LLGL2: variants seen among roughly 807,000 people sequenced by gnomAD.
LLGL2 encodes LLGL scribble cell polarity complex component 2, also known as LLGL2, scribble cell polarity complex component.
Under a neutral mutation model 123.2 loss-of-function variants are expected in LLGL2, and 81 were observed. That is an observed-to-expected ratio of 0.66 (90% CI 0.55 to 0.79). LLGL2 has a LOEUF of 0.79. LLGL2 is among the 30% of genes least tolerant of loss of function. The pLI, the probability that LLGL2 is intolerant of heterozygous loss-of-function variation, is 0.00. For synonymous variants in LLGL2, 577 were observed against 594.1 expected (o/e 0.97, Z 0.42); for missense variants, 1,273 against 1,414.6 (o/e 0.90, Z 1.61).
At position 75,569,338 on chromosome 17, in the gene LLGL2, G is replaced by C. The variant is rs753722991; in HGVS notation, c.1581+13G>C. 1.8e-5 allele frequency: 29 copies of C among 1,603,958 alleles called. No homozygotes were observed. Among genetic ancestry groups the C allele is most frequent in the Non-Finnish European group, 2.4e-5 (28 of 1,172,076 alleles). On this transcript the variant is annotated intron_variant, in intron 14 of 25. Transcript: ENST00000392550. ...CACGGCAGGGCAGGTAGCAGGCTGGGCTGGGGAGGGGGAGCTGGGGAGGAG... is the reference window on the plus strand; with the variant it reads ...CACGGCAGGGCAGGTAGCAGGCTGGCCTGGGGAGGGGGAGCTGGGGAGGAG...
rs764920758 is a variant in LLGL2, at chr17:75,570,467, G to A, written c.1994G>A (p.Arg665Gln). The change falls in exon 16 of 26, where the codon CGG becomes CAG. Residue 665 changes from arginine to glutamine, a missense_variant. Arg to Gln is a conservative substitution (Grantham distance 43). Coordinates refer to ENST00000392550, the MANE Select transcript of LLGL2 (RefSeq NM_001031803.2). Reference sequence around the variant, plus strand: ...ATGCGTCGGAGCCGGGTGTCCAGCCGGAAGCGGCACCCGGCTGGCCCCCCA... The same window carrying A: ...ATGCGTCGGAGCCGGGTGTCCAGCCAGAAGCGGCACCCGGCTGGCCCCCCA... ...RRMRRSRVSS[R>Q]KRHPAGPPGE... 14 of 1,588,566 alleles carry A rather than the reference G, an allele frequency of 8.8e-6. No homozygotes were observed. The highest frequency in any genetic ancestry group is 2.7e-5 in the African/African-American group (2 of 74,414).
At chr17:75,551,828 A>T (rs1268547043) in intron 2 of LLGL2, among the ~76,000 whole-genome samples, 2 of 152,242 alleles carry the variant, frequency 1.3e-5, no homozygotes, top group East Asian at 3.8e-4. Flanking sequence ...ACGTGAAATT[A>T]ATTTTAATTA....
At chr17:75,572,487 C>T (rs957437945) in intron 19 of LLGL2, among the ~76,000 whole-genome samples, 4 of 152,100 alleles carry the variant, frequency 2.6e-5, no homozygotes, top group East Asian at 1.9e-4. Context: ...CACGGTGAAA[C>T]CCCGTCTCTA....
At position 75,572,031 on chromosome 17, in the gene LLGL2, C is replaced by T. The variant is rs991455913; in HGVS notation, c.2427C>T (p.His809=). ...AGAGCCCTGACATGCAGGGAAGCCA[C>T]CAGCTGCTCGTCGTATCAGAGGAGC... ...LSKSPDMQGS[H]QLLVVSEEQF... The change falls in exon 19 of 26, where the codon CAC becomes CAT. Residue 809 remains histidine (H), a synonymous_variant. Coordinates refer to ENST00000392550, the MANE Select transcript of LLGL2 (RefSeq NM_001031803.2). 6.2e-7 allele frequency: 1 copy of T among 1,612,276 alleles called. No homozygotes were observed. The highest frequency in any genetic ancestry group is 1.3e-5 in the African/African-American group (1 of 74,938).
chr17:75,573,245 A>G lies in LLGL2; in HGVS notation c.2692A>G (p.Ile898Val). 4.4e-6 allele frequency: 7 copies of G among 1,608,286 alleles called. No individual in the cohort carries two copies. The highest frequency in any genetic ancestry group is 6.0e-6 in the Non-Finnish European group (7 of 1,176,276). Residue 898 changes from isoleucine (I) to valine (V), a missense_variant, in exon 20 of 26, where the codon ATC becomes GTC. By Grantham distance (29) the Ile-to-Val change is conservative. Transcript: ENST00000392550. ...SCIRREDVSG[I>V]ASCVFTKYGQ... ...CATCCGCCGGGAGGACGTCAGTGGC[A>G]TCGCCTCCTGCGTCTTCACCAAATA...
chr17:75,546,587 C>A, intron 2 of LLGL2, among the ~76,000 whole-genome samples: 1 of 54,822 alleles, frequency 1.8e-5, no homozygotes, highest in South Asian at 6.2e-4. Flanking sequence ...GTCCAGCAGA[C>A]AGGCGGAGGG....
At position 75,544,098 on chromosome 17, in the gene LLGL2, G is replaced by A. The variant is rs907987008; in HGVS notation, c.75+597G>A. Among the ~76,000 whole-genome samples the A allele has an allele frequency of 1.3e-5, 2 of 152,212 alleles. No individual in the cohort carries two copies. Among genetic ancestry groups the A allele is most frequent in the Non-Finnish European group, 2.9e-5 (2 of 68,040 alleles). ...CAAACCTGTATCCGGGGTACCAGAAGGCCCACGGGGCTTCCCTTCAGGAGT... is the reference window on the plus strand; with the variant it reads ...CAAACCTGTATCCGGGGTACCAGAAAGCCCACGGGGCTTCCCTTCAGGAGT... On this transcript the variant is annotated intron_variant, in intron 2 of 25. Coordinates refer to ENST00000392550, the MANE Select transcript of LLGL2 (RefSeq NM_001031803.2). The surrounding 1 kb of genome is among the most constrained non-coding windows in gnomAD (Gnocchi z 4.2).
At position 75,571,151 on chromosome 17, in the gene LLGL2, C is replaced by T. The variant is rs559843811; in HGVS notation, c.2176+51C>T. On this transcript the variant is annotated intron_variant, in intron 17 of 25. Coordinates refer to ENST00000392550, the MANE Select transcript of LLGL2 (RefSeq NM_001031803.2). ...GGCAGGGGGTAGTGGGCAGCAGACACCCCCTGACCTGGGGGCATGCCGGGG... is the reference window on the plus strand; with the variant it reads ...GGCAGGGGGTAGTGGGCAGCAGACATCCCCTGACCTGGGGGCATGCCGGGG... 2.1e-5 allele frequency: 32 copies of T among 1,524,786 alleles called. No homozygotes were observed. The East Asian group carries it at 3.0e-4, about 14-fold the overall frequency. 94.5% of individuals were successfully genotyped at this position (1,524,786 alleles called of 1,614,324 possible). A position where few individuals can be genotyped will look rare whatever the true frequency, so the allele number is the denominator to read the frequency against.
chr17:75,573,363 A>G, intron 20 of LLGL2, 85 bp downstream of exon 20: 1 of 1,553,778 alleles, frequency 6.4e-7, no homozygotes, highest in Non-Finnish European at 8.8e-7. Flanking sequence ...GGCCACGGCC[A>G]GACTGGATGG....
Position 75,571,075 on chromosome 17 carries a change from C to CT in LLGL2, c.2154dup (p.Ala719CysfsTer2). On this transcript the variant is annotated frameshift_variant, in exon 17 of 26. Coordinates refer to ENST00000392550, the MANE Select transcript of LLGL2 (RefSeq NM_001031803.2). LOFTEE classifies it high-confidence loss of function. ...TCACAGGCTTCGTCCGGACCCTGTACTTTGCTGACACCTACCTGAAGGACA... is the reference window on the plus strand; with the variant it reads ...TCACAGGCTTCGTCCGGACCCTGTACTTTTGCTGACACCTACCTGAAGGACA... 1 of 1,611,130 alleles carries CT rather than the reference C, an allele frequency of 6.2e-7. No individual in the cohort carries two copies. The highest frequency in any genetic ancestry group is 8.5e-7 in the Non-Finnish European group (1 of 1,178,966).
Position 75,573,214 on chromosome 17 carries a change from C to T in LLGL2, c.2661C>T (p.Tyr887=). ...CCCTGCTCAAGCCCCAGGTGCGCTA[C>T]AGCTGCATCCGCCGGGAGGACGTCA... ...SLPLLKPQVR[Y]SCIRREDVSG... Residue 887 remains tyrosine, a synonymous_variant, in exon 20 of 26, where the codon TAC becomes TAT. Transcript: ENST00000392550. 2 of 1,611,902 alleles carry T rather than the reference C, an allele frequency of 1.2e-6. No individual in the cohort carries two copies. Among genetic ancestry groups the T allele is most frequent in the Non-Finnish European group, 1.7e-6 (2 of 1,179,032 alleles).
intron 15 of LLGL2, 29 bp from the exon 16 acceptor site, chr17:75,570,319 C>T: frequency 1.9e-6 from 3 of 1,609,134 alleles, no homozygotes; most frequent in Non-Finnish European, 2.5e-6. Flanking sequence ...CAGGACCTAG[C>T]AGCACTGACA....
At chr17:75,532,830 G>A (rs1018231524) in intron 1 of LLGL2, among the ~76,000 whole-genome samples, 3 of 152,232 alleles carry the variant, frequency 2.0e-5, no homozygotes, top group South Asian at 2.1e-4. Context: ...CAGGATGCCA[G>A]GCATGACGTC....
In LLGL2 at chr17:75,572,003, C is replaced by T. The variant is rs146320210; in HGVS notation, c.2399C>T (p.Ser800Leu). 4.5e-5 allele frequency: 72 copies of T among 1,612,772 alleles called. No homozygotes were observed. In the African/African-American group the frequency reaches 8.0e-4, roughly 18 times the overall value. ...PEPLEVAHDL[S>L]KSPDMQGSHQ... ...CCCCTCGAAGTGGCCCATGATCTGTCGAAGAGCCCTGACATGCAGGGAAGC... is the reference window on the plus strand; with the variant it reads ...CCCCTCGAAGTGGCCCATGATCTGTTGAAGAGCCCTGACATGCAGGGAAGC... Residue 800 changes from serine (S) to leucine (L), a missense_variant, in exon 19 of 26, where the codon TCG (serine) becomes TTG (leucine). Physicochemically the swap from Ser to Leu is moderately radical, Grantham distance 145. Transcript: ENST00000392550.
At position 75,573,608 on chromosome 17, in the gene LLGL2, C is replaced by T. The variant is rs760452145; in HGVS notation, c.2853C>T (p.Pro951=). The T allele has an allele frequency of 4.4e-6, 7 of 1,609,150 alleles. No individual in the cohort carries two copies. The Admixed American group carries it at 1.2e-4, about 27-fold the overall frequency. Residue 951 remains proline, a synonymous_variant, in exon 21 of 26, where the codon CCC becomes CCT. Coordinates refer to ENST00000392550, the MANE Select transcript of LLGL2 (RefSeq NM_001031803.2). ...ACCGCCCTGGTAACGGTGCGGGCCCCAAGAAGGCCCCGAGCCGAGCCAGGT... is the reference window on the plus strand; with the variant it reads ...ACCGCCCTGGTAACGGTGCGGGCCCTAAGAAGGCCCCGAGCCGAGCCAGGT... The part of the protein sequence containing the change: ...KNHRPGNGAG[P]KKAPSRARNS...
intron 16 of LLGL2, 46 bp downstream of exon 16, chr17:75,570,544 G>T (rs1409393833): frequency 1.9e-6 from 3 of 1,539,290 alleles, no homozygotes; most frequent in African/African-American, 2.7e-5. Flanking sequence ...CCCAGGTTCG[G>T]CTCAGAGCAG....
rs1214537845 is a variant in LLGL2 at position 75,525,781 on chromosome 17, C to CGAGGGACGCG, written c.-66_-65insGGAGGGACGC. On this transcript the variant is annotated 5_prime_UTR_variant, in exon 1 of 26. Transcript: ENST00000392550. The surrounding 1 kb of genome is among the most constrained non-coding windows in gnomAD (Gnocchi z 4.8). ...AGCGAGCGGGGCCGGCGGCGGGCGC[C>CGAGGGACGCG]GAGGGACGCCGAGGCCTCGGGCGGG... The CGAGGGACGCG allele has an allele frequency of 6.6e-6, 1 of 151,274 alleles. No individual in the cohort carries two copies. Among genetic ancestry groups the CGAGGGACGCG allele is most frequent in the African/African-American group, 2.4e-5 (1 of 41,290 alleles). 9.4% of individuals were successfully genotyped at this position (151,274 alleles called of 1,614,324 possible).
At chr17:75,533,939 C>T (rs1357181343) in intron 1 of LLGL2, among the ~76,000 whole-genome samples, 4 of 152,206 alleles carry the variant, frequency 2.6e-5, no homozygotes, top group South Asian at 2.1e-4. Flanking sequence ...TCCCATGAGG[C>T]ACCTGGATGA....
Position 75,571,104 on chromosome 17 carries a change from A to C in LLGL2, c.2176+4A>C. 1 of 1,231,430 alleles carries C rather than the reference A, an allele frequency of 8.1e-7. No homozygotes were observed. The highest frequency in any genetic ancestry group is 1.2e-5 in the South Asian group (1 of 84,416). 76.3% of individuals were successfully genotyped at this position (1,231,430 alleles called of 1,614,324 possible). ...GCTGACACCTACCTGAAGGACAGTG[A>C]GTGGCCAGCCTGGGGTTGGGGGGCA... On this transcript the variant is annotated splice_donor_region_variant and intron_variant, in intron 17 of 25. Coordinates refer to ENST00000392550, the MANE Select transcript of LLGL2 (RefSeq NM_001031803.2).
Sources: allele counts gnomAD v4.1 joint callset (sites outside exome capture counted in the v4.1 genomes callset), GRCh38; gene constraint gnomAD v4.1.1; non-coding constraint Gnocchi (gnomAD v3.1); transcripts MANE v1.5; gene names NCBI Gene and HGNC (gene_info 2026-07-23, HGNC 2026-07-21).